SCN8A: variants seen among roughly 807,000 people sequenced by gnomAD.
The protein encoded by SCN8A is sodium channel protein type 8 subunit alpha.
Under a neutral mutation model 184.1 loss-of-function variants are expected in SCN8A, and 30 were observed. That is an observed-to-expected ratio of 0.16 (90% confidence interval 0.12 to 0.22). SCN8A has a LOEUF of 0.22. Among genes scored for constraint, SCN8A ranks in the 10% least tolerant of loss-of-function variants. The pLI is 1.00. For missense variants in SCN8A, 1,057 were observed against 2,498.9 expected, an observed-to-expected ratio of 0.42 and a Z score of 12.30; for synonymous variants, 852 against 907.0, an observed-to-expected ratio of 0.94 and a Z score of 1.09.
chr12:51,804,492 T>C (rs1938641107), intron 26 of SCN8A, among the ~76,000 whole-genome samples: 1 of 80,334 alleles, frequency 1.2e-5, no homozygotes, highest in East Asian at 4.8e-4. Context: ...CTAATTTTTG[T>C]ACCTTTTTTT....
chr12:51,776,157 T>C (rs553433663), intron 20 of SCN8A, among the ~76,000 whole-genome samples: 1 of 152,274 alleles, frequency 6.6e-6, no homozygotes, highest in South Asian at 2.1e-4. Flanking sequence ...GCCTGGCTAA[T>C]TTTTGTATCT....
chr12:51,632,713 C>T (rs534140035), intron 1 of SCN8A, among the ~76,000 whole-genome samples: 2 of 152,212 alleles, frequency 1.3e-5, no homozygotes, highest in Admixed American at 1.3e-4. Flanking sequence ...ATAATATTTA[C>T]TTTGGATCTT....
chr12:51,736,868 C>T (rs543251152), intron 12 of SCN8A, among the ~76,000 whole-genome samples: 3 of 152,206 alleles, frequency 2.0e-5, no homozygotes, highest in Non-Finnish European at 4.4e-5. Flanking sequence ...ACAAGCTCCG[C>T]TTTTAGAGCT....
intron 21 of SCN8A, among the ~76,000 whole-genome samples, chr12:51,783,636 C>T (rs923057283): frequency 1.3e-5 from 2 of 152,160 alleles, no homozygotes; most frequent in African/African-American, 2.4e-5. Flanking sequence ...TTAAAGATTT[C>T]GCTGTGCTGT....
At chr12:51,701,076 A>C (rs1007522390) in intron 7 of SCN8A, 68 bp from the exon 8 acceptor site, 5 of 1,040,834 alleles carry the variant, frequency 4.8e-6, no homozygotes, top group Non-Finnish European at 7.5e-6. Flanking sequence ...AGTTAGGAAC[A>C]GTGTAACCTT....
intron 2 of SCN8A, among the ~76,000 whole-genome samples, chr12:51,683,783 A>T (rs1230979382): frequency 1.3e-5 from 2 of 152,190 alleles, no homozygotes; most frequent in African/African-American, 4.8e-5. Flanking sequence ...TTCACTGACC[A>T]TTCCCAAGCA....
intron 14 of SCN8A, among the ~76,000 whole-genome samples, chr12:51,760,713 A>G (rs1173409725): frequency 6.6e-6 from 1 of 152,194 alleles, no homozygotes; most frequent in African/African-American, 2.4e-5. Context: ...CCATCTATAG[A>G]TGCTTAACTT....
chr12:51,800,683 A>G lies in SCN8A; in HGVS notation c.4796-5599A>G, dbSNP rs542559740. The stretch of plus-strand genomic sequence containing the variant: ...CCCACTGTAAGTCAGACCTGAGCTG[A>G]AACTTCATTAATTATCTGACCTCCA... On this transcript the variant is annotated intron_variant, in intron 26 of 26. Transcript: ENST00000627620. Among the ~76,000 whole-genome samples the G allele has an allele frequency of 2.6e-5, 4 of 152,282 alleles. No homozygotes were observed. In the East Asian group the frequency reaches 7.7e-4, roughly 29 times the overall value.
intron 1 of SCN8A, among the ~76,000 whole-genome samples, chr12:51,631,404 G>A (rs1038554449): frequency 5.9e-5 from 9 of 152,210 alleles, no homozygotes; most frequent in South Asian, 4.1e-4. Context: ...CTGCATTAAA[G>A]AGGAAAAGAT....
intron 1 of SCN8A, among the ~76,000 whole-genome samples, chr12:51,606,285 C>A (rs1199294686): frequency 6.6e-6 from 1 of 152,206 alleles, no homozygotes; most frequent in East Asian, 1.9e-4. Context: ...AGATGAGGAT[C>A]CAATTTCATT....
intron 2 of SCN8A, among the ~76,000 whole-genome samples, chr12:51,677,855 G>A (rs1050190552): frequency 3.9e-5 from 6 of 152,154 alleles, no homozygotes; most frequent in South Asian, 2.1e-4. Flanking sequence ...GGCAGTAACC[G>A]CAATCCAATT....
At chr12:51,649,567 A>T (rs1055499865) in intron 1 of SCN8A, among the ~76,000 whole-genome samples, 2 of 152,108 alleles carry the variant, frequency 1.3e-5, no homozygotes, top group Non-Finnish European at 2.9e-5. Flanking sequence ...TCAACACCAC[A>T]TGGAAGCTGC....
rs367988792 is a variant in SCN8A at position 51,718,166 on chromosome 12, A to G, written c.1636-3380A>G. ...CAGAAATGTTAAAGAGGAGCCCCAT[A>G]GCCCTTCCAGTGTTAACATCAAAAG... On this transcript the variant is annotated intron_variant, in intron 11 of 26. Transcript: ENST00000627620. Among the ~76,000 whole-genome samples, 6 of 152,308 alleles carry G rather than the reference A, an allele frequency of 3.9e-5. No individual in the cohort carries two copies. In the East Asian group the frequency reaches 7.7e-4, roughly 20 times the overall value.
At chr12:51,635,508 T>C (rs1339290845) in intron 1 of SCN8A, among the ~76,000 whole-genome samples, 1 of 152,172 alleles carries the variant, frequency 6.6e-6, no homozygotes, top group Non-Finnish European at 1.5e-5. Flanking sequence ...AGGTCACAAC[T>C]GAAGGGGACA....
chr12:51,596,510 C>T (rs1675990106), intron 1 of SCN8A, among the ~76,000 whole-genome samples: 1 of 152,084 alleles, frequency 6.6e-6, no homozygotes, highest in South Asian at 2.1e-4. Flanking sequence ...GTTCATATAA[C>T]CAAGTAATGT....
At chr12:51,600,302 C>T (rs1206873855) in intron 1 of SCN8A, among the ~76,000 whole-genome samples, 1 of 152,064 alleles carries the variant, frequency 6.6e-6, no homozygotes, top group Admixed American at 6.5e-5. Flanking sequence ...AATTCTATAC[C>T]TTTTTATAGA....
chr12:51,655,749 T>G (rs531648020), intron 1 of SCN8A, among the ~76,000 whole-genome samples: 80 of 152,286 alleles, frequency 5.3e-4, no homozygotes, highest in African/African-American at 1.9e-3. Flanking sequence ...TATCTTTGAG[T>G]CTAGTTCAAT....
In SCN8A at chr12:51,725,587, G is replaced by A. The variant is rs570049073; in HGVS notation, c.1998+3679G>A. Among the ~76,000 whole-genome samples, 37 of 152,188 alleles carry A rather than the reference G, an allele frequency of 2.4e-4. 7 individuals carry two copies. The highest frequency in any genetic ancestry group is 7.7e-4 in the African/African-American group (32 of 41,526). On this transcript the variant is annotated intron_variant, in intron 12 of 26. Transcript: ENST00000627620. ...CCTATTAGCAGATGAGACTCAGAGC[G>A]CTGTAGTGACTTGGGAATTGGACCT...
chr12:51,727,083 G>A (rs978974411), intron 12 of SCN8A, among the ~76,000 whole-genome samples: 15 of 152,146 alleles, frequency 9.9e-5, no homozygotes, highest in African/African-American at 3.1e-4. Context: ...TAGAAATGTG[G>A]GCAGAATCTG....
Sources: allele counts gnomAD v4.1 joint callset (sites outside exome capture counted in the v4.1 genomes callset), GRCh38; gene constraint gnomAD v4.1.1; transcripts MANE v1.5; gene names NCBI Gene and HGNC (gene_info 2026-07-23, HGNC 2026-07-21).